Variants in UBR1 observed in about 807,000 individuals in gnomAD.
UBR1 encodes the protein ubiquitin protein ligase E3 component n-recognin 1.
A neutral mutation model predicts 242.1 loss-of-function variants in UBR1; 102 were observed. That is an observed-to-expected ratio of 0.42 (90% confidence interval 0.36 to 0.50). UBR1 has a LOEUF of 0.50. Ranked by LOEUF, UBR1 falls within the 20% of genes least tolerant of loss-of-function variation. UBR1 has a pLI of 0.01. For missense variants in UBR1, 1,772 were observed against 2,101.8 expected, an observed-to-expected ratio of 0.84 and a Z score of 3.07; for synonymous variants, 675 against 684.8, an observed-to-expected ratio of 0.99 and a Z score of 0.22.
At chr15:42,986,550 T>C (rs749575446) in intron 35 of UBR1, among the ~76,000 whole-genome samples, 5 of 152,236 alleles carry the variant, frequency 3.3e-5, no homozygotes, top group Non-Finnish European at 5.9e-5. Context: ...AGACTTAGCA[T>C]GTCATGACTC....
intron 14 of UBR1, among the ~76,000 whole-genome samples, chr15:43,045,385 T>A (rs2033471679): frequency 6.6e-6 from 1 of 152,146 alleles, no homozygotes. Flanking sequence ...GAGGATCATG[T>A]GAGGCCAGGA....
At chr15:43,022,606 T>A in intron 26 of UBR1, 96 bp downstream of exon 26, 1 of 866,742 alleles carries the variant, frequency 1.2e-6, no homozygotes, top group Admixed American at 2.1e-5. Context: ...AGATTAAAAC[T>A]CTGTAAGATA....
rs570263041 is a variant in UBR1 at position 43,100,877 on chromosome 15, C to T, written c.81+5065G>A. On this transcript the variant is annotated intron_variant, in intron 1 of 46. Coordinates refer to ENST00000290650, the MANE Select transcript of UBR1 (RefSeq NM_174916.3). ...TGAACAAGTCACACATGATCCTTCC[C>T]TTCATGGAACTTACCTCTCCCTCTG... Among the ~76,000 whole-genome samples, 26 of 152,338 alleles carry T rather than the reference C, an allele frequency of 1.7e-4. No individual in the cohort carries two copies. The South Asian group carries it at 5.4e-3, about 32-fold the overall frequency.
chr15:42,976,434 C>T (rs924972402), intron 39 of UBR1, among the ~76,000 whole-genome samples: 1 of 152,090 alleles, frequency 6.6e-6, no homozygotes, highest in African/African-American at 2.4e-5. Flanking sequence ...AGGGACAGAC[C>T]TCGAGGATGG....
intron 33 of UBR1, among the ~76,000 whole-genome samples, chr15:42,993,856 T>C (rs1398576043): frequency 3.3e-5 from 5 of 151,864 alleles, no homozygotes; most frequent in Non-Finnish European, 1.5e-5. Flanking sequence ...AAAAAGGCTG[T>C]AATGACCATA....
intron 12 of UBR1, among the ~76,000 whole-genome samples, chr15:43,051,158 G>T (rs2033550362): frequency 6.6e-6 from 1 of 152,100 alleles, no homozygotes; most frequent in East Asian, 1.9e-4. Context: ...AATAGCAAAG[G>T]CATGGAATCA....
At chr15:43,024,350 A>G (rs945311406) in intron 25 of UBR1, among the ~76,000 whole-genome samples, 1 of 152,230 alleles carries the variant, frequency 6.6e-6, no homozygotes, top group African/African-American at 2.4e-5. Flanking sequence ...TATCTACAAC[A>G]GTAACAAGGA....
intron 2 of UBR1, among the ~76,000 whole-genome samples, chr15:43,085,675 G>C (rs1455382104): frequency 6.7e-6 from 1 of 148,604 alleles, no homozygotes; most frequent in Admixed American, 6.7e-5. Flanking sequence ...CTTGAGGCCA[G>C]GAGTTTGAGA....
chr15:42,997,133 C>T (rs555486055), intron 33 of UBR1, among the ~76,000 whole-genome samples: 5 of 152,282 alleles, frequency 3.3e-5, no homozygotes, highest in African/African-American at 1.2e-4. Flanking sequence ...GCTCCGCCTC[C>T]TGCCAGATCA....
chr15:43,021,660 C>G (rs2033112154), intron 26 of UBR1, among the ~76,000 whole-genome samples: 1 of 152,102 alleles, frequency 6.6e-6, no homozygotes, highest in Admixed American at 6.5e-5. Flanking sequence ...TGTACATGTT[C>G]AGTACAGTGA....
Position 43,048,510 on chromosome 15 carries a change from AAG to A in UBR1, c.1440-21_1440-20del, listed in dbSNP as rs1456565080. ...GATATACCTATCGTTTCAAGAAAGA[AAG>A]AAATATTTCATTTATCTATTTTGAG... On this transcript the variant is annotated intron_variant, in intron 12 of 46. Coordinates refer to ENST00000290650, the MANE Select transcript of UBR1 (RefSeq NM_174916.3). The A allele has an allele frequency of 1.3e-6, 2 of 1,566,560 alleles. No individual in the cohort carries two copies. The highest frequency in any genetic ancestry group is 1.4e-5 in the African/African-American group (1 of 73,922).
chr15:43,077,418 G>T (rs2033920069), intron 3 of UBR1, among the ~76,000 whole-genome samples: 1 of 151,960 alleles, frequency 6.6e-6, no homozygotes, highest in East Asian at 2.0e-4. Flanking sequence ...AAGGGTGCGA[G>T]ATGTGCTTTG....
intron 45 of UBR1, among the ~76,000 whole-genome samples, chr15:42,952,001 G>T (rs2031841811): frequency 6.6e-6 from 1 of 152,152 alleles, no homozygotes; most frequent in Non-Finnish European, 1.5e-5. Context: ...TTTAGGACTT[G>T]AAGTTCTTTC....
In UBR1 at chr15:43,043,249, T is replaced by C. The variant is rs1386208374; in HGVS notation, c.1815A>G (p.Val605=). ...TCCTAGAGAGTGGCAGATGTATGCT[T>C]ACAAGATCCTCAGATACTCTGTAGG... ...TKSYRVSEDL[V]SIHLPLSRTL... Residue 605 remains valine, a synonymous_variant, in exon 15 of 47, where the codon GTA becomes GTG. Coordinates refer to ENST00000290650, the MANE Select transcript of UBR1 (RefSeq NM_174916.3). 6.2e-7 allele frequency: 1 copy of C among 1,614,146 alleles called. No individual in the cohort carries two copies. Among genetic ancestry groups the C allele is most frequent in the South Asian group, 1.1e-5 (1 of 91,074 alleles).
chr15:43,092,794 C>T (rs1229868500), intron 1 of UBR1, among the ~76,000 whole-genome samples: 2 of 152,148 alleles, frequency 1.3e-5, no homozygotes, highest in Non-Finnish European at 2.9e-5. Flanking sequence ...CCTTGTGATC[C>T]GCCTGCCTTG....
chr15:43,004,835 C>A (rs545780713), intron 30 of UBR1, among the ~76,000 whole-genome samples: 1 of 151,750 alleles, frequency 6.6e-6, no homozygotes, highest in Non-Finnish European at 1.5e-5. Flanking sequence ...TCTGCCTGGC[C>A]GCCCATCGTC....
At chr15:43,101,426 T>C (rs2034233034) in intron 1 of UBR1, among the ~76,000 whole-genome samples, 1 of 152,166 alleles carries the variant, frequency 6.6e-6, no homozygotes, top group Non-Finnish European at 1.5e-5. Context: ...CAGAATTATT[T>C]GTCTTCAAGA....
chr15:43,021,700 A>G (rs2033112779), intron 26 of UBR1, among the ~76,000 whole-genome samples: 1 of 152,194 alleles, frequency 6.6e-6, no homozygotes, highest in African/African-American at 2.4e-5. Flanking sequence ...TTCCCCCTGA[A>G]TATTTTCAAA....
chr15:42,960,149 C>T (rs535418726), intron 43 of UBR1, among the ~76,000 whole-genome samples: 3 of 152,116 alleles, frequency 2.0e-5, no homozygotes, highest in South Asian at 4.2e-4. Flanking sequence ...TAAATTAGTA[C>T]TTAAGAAGTA....
Sources: allele counts gnomAD v4.1 joint callset (sites outside exome capture counted in the v4.1 genomes callset), GRCh38; gene constraint gnomAD v4.1.1; transcripts MANE v1.5; gene names NCBI Gene and HGNC (gene_info 2026-07-23, HGNC 2026-07-21).